The following MYO9A variants were observed in gnomAD, a reference collection of about 807,000 sequenced individuals.
MYO9A encodes the protein unconventional myosin-IXa.
In MYO9A, 103 loss-of-function variants were observed where a neutral mutation model predicts 293.3. That is an observed-to-expected ratio of 0.35 (90% CI 0.30 to 0.41). The LOEUF (loss-of-function observed/expected upper bound fraction) is 0.41. MYO9A is among the 10% of genes least tolerant of loss of function. The pLI is 1.00. For synonymous variants in MYO9A, 1,001 were observed against 1,035.7 expected, an observed-to-expected ratio of 0.97 and a Z score of 0.64; for missense variants, 2,685 against 3,033.0, an observed-to-expected ratio of 0.89 and a Z score of 2.69.
At chr15:71,983,327 C>T (rs1366504617) in intron 11 of MYO9A, among the ~76,000 whole-genome samples, 2 of 151,714 alleles carry the variant, frequency 1.3e-5, no homozygotes, top group African/African-American at 2.4e-5. Flanking sequence ...TTATCACTAA[C>T]AGAAATAATA....
chr15:72,023,547 T>A (rs1033920026), intron 4 of MYO9A, among the ~76,000 whole-genome samples: 2 of 151,574 alleles, frequency 1.3e-5, no homozygotes, highest in Non-Finnish European at 2.9e-5. Flanking sequence ...ACAAAAAAAA[T>A]AGCTGGGCAT....
In MYO9A at chr15:71,823,207, C is replaced by A. The variant is rs979083776; in HGVS notation, c.*3373G>T. 6.6e-6 allele frequency: 1 copy of A among 152,176 alleles called. No individual in the cohort carries two copies. The highest frequency in any genetic ancestry group is 1.5e-5 in the Non-Finnish European group (1 of 68,042). The allele number at this position is 152,176 out of a possible 1,614,324, so 9.4% of individuals were successfully genotyped here. On this transcript the variant is annotated 3_prime_UTR_variant, in exon 42 of 42. Transcript: ENST00000356056. ...ACATCCTGAGAATCCTTTCTTCTTT[C>A]TAGTTTACCAAAGTGCTTGTTACAG...
At chr15:71,924,079 C>A (rs1315891032) in intron 18 of MYO9A, among the ~76,000 whole-genome samples, 1 of 151,832 alleles carries the variant, frequency 6.6e-6, no homozygotes, top group Non-Finnish European at 1.5e-5. Flanking sequence ...TTTTTAATTT[C>A]CCTTTTAGTA....
At position 72,028,238 on chromosome 15, in the gene MYO9A, T is replaced by TAA. The variant is rs1555408320; in HGVS notation, c.936-447_936-446dup. Among the ~76,000 whole-genome samples, 467 of 144,650 alleles carry TAA rather than the reference T, an allele frequency of 3.2e-3. 2 individuals are homozygous for TAA. The highest frequency in any genetic ancestry group is 7.1e-3 in the Middle Eastern group (2 of 280). The allele number at this position is 144,650 out of a possible 152,430, so 94.9% of individuals were successfully genotyped here. ...AAATAAATATATATATATATATATA[T>TAA]AAATATATATATGTACATACTATTA... On this transcript the variant is annotated intron_variant, in intron 3 of 41. Transcript: ENST00000356056.
chr15:72,104,978 T>G (rs937293360), intron 1 of MYO9A, among the ~76,000 whole-genome samples: 22 of 152,192 alleles, frequency 1.4e-4, no homozygotes, highest in Admixed American at 2.6e-4. Flanking sequence ...TTTTTAGTTC[T>G]AATGATTCAA....
chr15:72,107,276 T>C (rs1224742970), intron 1 of MYO9A, among the ~76,000 whole-genome samples: 3 of 152,170 alleles, frequency 2.0e-5, no homozygotes, highest in African/African-American at 7.2e-5. Context: ...CGGCAGAGTG[T>C]AGTGACTCAT....
chr15:71,830,179 G>C lies in MYO9A; in HGVS notation c.6970C>G (p.Gln2324Glu), dbSNP rs757031013. 8 of 1,613,964 alleles carry C rather than the reference G, an allele frequency of 5.0e-6. No homozygotes were observed. The highest frequency in any genetic ancestry group is 6.8e-6 in the Non-Finnish European group (8 of 1,179,994). ...TCCTGCTGCATAGCTGCTTGCTGCTGTTCTGTGATGTCAGTCTCCATGGCT... is the reference window on the plus strand; with the variant it reads ...TCCTGCTGCATAGCTGCTTGCTGCTCTTCTGTGATGTCAGTCTCCATGGCT... Reference protein sequence around the residue: ...EAAMETDITEQQQAAMQQEER... With the variant: ...EAAMETDITEEQQAAMQQEER... Residue 2324 changes from glutamine (Q) to glutamate (E), a missense_variant, in exon 40 of 42, where the codon CAG becomes GAG. Physicochemically the swap from Gln to Glu is conservative, Grantham distance 29. Transcript: ENST00000356056.
chr15:72,008,410 C>T (rs1252153528), intron 7 of MYO9A, among the ~76,000 whole-genome samples: 1 of 146,180 alleles, frequency 6.8e-6, no homozygotes, highest in Non-Finnish European at 1.5e-5. Flanking sequence ...CTTTTCTATA[C>T]CATAGTATGG....
chr15:72,035,019 T>A (rs2077999040), intron 2 of MYO9A, among the ~76,000 whole-genome samples: 1 of 152,152 alleles, frequency 6.6e-6, no homozygotes, highest in African/African-American at 2.4e-5. Context: ...ATGTTCAACA[T>A]CACCAACTAT....
At chr15:72,067,474 G>A (rs1596499489) in intron 1 of MYO9A, among the ~76,000 whole-genome samples, 2 of 151,758 alleles carry the variant, frequency 1.3e-5, no homozygotes, top group African/African-American at 4.8e-5. Flanking sequence ...GTAGAGACGG[G>A]GTTTCACCAT....
intron 15 of MYO9A, among the ~76,000 whole-genome samples, chr15:71,951,146 T>C (rs1453506790): frequency 6.6e-6 from 1 of 152,202 alleles, no homozygotes; most frequent in Non-Finnish European, 1.5e-5. Flanking sequence ...GTGGTTTTGC[T>C]CTAAACCAGA....
At chr15:71,917,459 C>A (rs1465834231) in intron 18 of MYO9A, among the ~76,000 whole-genome samples, 1 of 152,070 alleles carries the variant, frequency 6.6e-6, no homozygotes. Flanking sequence ...TGCTTGAACC[C>A]GGGAGGCAGA....
intron 26 of MYO9A, chr15:71,890,946 T>C (rs936655149): frequency 1.3e-5 from 2 of 152,168 alleles, no homozygotes; most frequent in African/African-American, 4.8e-5. Context: ...TGTGAGATTG[T>C]AGTAGATTTT....
rs150571863 is a variant in MYO9A at position 72,082,410 on chromosome 15, A to C, written c.-72+35270T>G. Among the ~76,000 whole-genome samples, 5 of 152,258 alleles carry C rather than the reference A, an allele frequency of 3.3e-5. No individual in the cohort carries two copies. The East Asian group carries it at 5.8e-4, about 18-fold the overall frequency. On this transcript the variant is annotated intron_variant, in intron 1 of 41. Coordinates refer to ENST00000356056, the MANE Select transcript of MYO9A (RefSeq NM_006901.4). ...GAGACTTTGCTGATGTCATCAGCTTAAGCAGCTTTTGGGCTGAGATTATGA... is the reference window on the plus strand; with the variant it reads ...GAGACTTTGCTGATGTCATCAGCTTCAGCAGCTTTTGGGCTGAGATTATGA...
Position 72,046,609 on chromosome 15 carries a change from T to C in MYO9A, c.-46A>G. 1 of 1,466,488 alleles carries C rather than the reference T, an allele frequency of 6.8e-7. No homozygotes were observed. Among genetic ancestry groups the C allele is most frequent in the Non-Finnish European group, 9.0e-7 (1 of 1,107,338 alleles). 90.8% of individuals were successfully genotyped at this position (1,466,488 alleles called of 1,614,324 possible). ...CATGGATAGTATATGTTCAAAGTCGTGCAAACCATTTTCTTGGTAAAATAA... is the reference window on the plus strand; with the variant it reads ...CATGGATAGTATATGTTCAAAGTCGCGCAAACCATTTTCTTGGTAAAATAA... On this transcript the variant is annotated 5_prime_UTR_variant, in exon 2 of 42. Transcript: ENST00000356056.
chr15:72,052,536 G>T, intron 1 of MYO9A, among the ~76,000 whole-genome samples: 1 of 152,220 alleles, frequency 6.6e-6, no homozygotes, highest in South Asian at 2.1e-4. Flanking sequence ...GGCAACAGAA[G>T]GAGAGAAGAG....
intron 12 of MYO9A, among the ~76,000 whole-genome samples, chr15:71,972,767 A>G (rs1273857618): frequency 6.6e-6 from 1 of 152,156 alleles, no homozygotes; most frequent in Admixed American, 6.5e-5. Context: ...AAAAAGGATA[A>G]AAGGGTAGAA....
At chr15:72,059,901 T>C (rs2078830228) in intron 1 of MYO9A, among the ~76,000 whole-genome samples, 1 of 152,222 alleles carries the variant, frequency 6.6e-6, no homozygotes, top group Non-Finnish European at 1.5e-5. Context: ...TAAGCCACCT[T>C]TTATAGGCAC....
chr15:72,100,167 G>GA (rs1176284552), intron 1 of MYO9A, among the ~76,000 whole-genome samples: 29 of 151,908 alleles, frequency 1.9e-4, no homozygotes, highest in Admixed American at 1.9e-3. Flanking sequence ...CGGATCACCT[G>GA]ACGTCCGGAG....
Sources: gnomAD v4.1 joint callset for allele counts (sites outside exome capture counted in the v4.1 genomes callset) on GRCh38, gnomAD v4.1.1 for gene constraint, MANE v1.5 for transcripts, NCBI Gene and HGNC (gene_info 2026-07-23, HGNC 2026-07-21) for gene names.